The following KIAA1755 variants were observed in gnomAD, a reference collection of about 807,000 sequenced individuals.
KIAA1755 encodes KIAA1755.
KIAA1755 carries 68 observed loss-of-function variants against 91.7 expected under a neutral mutation model. The observed-to-expected ratio is 0.74, with a 90% CI of 0.61 to 0.91. The LOEUF (loss-of-function observed/expected upper bound fraction) is 0.91. Among genes scored for constraint, KIAA1755 ranks in the 40% least tolerant of loss-of-function variants. The pLI is 0.00. For missense variants in KIAA1755, 1,535 were observed against 1,494.4 expected (o/e 1.03, Z -0.45); for synonymous variants, 610 against 604.6 (o/e 1.01, Z -0.13).
At chr20:38,228,984 A>G (rs2075811168) in intron 5 of KIAA1755, among the ~76,000 whole-genome samples, 1 of 152,222 alleles carries the variant, frequency 6.6e-6, no homozygotes, top group Admixed American at 6.5e-5. Flanking sequence ...GTTAAAATAC[A>G]GATTCCTCAC....
rs757825333 is a variant in KIAA1755 at position 38,241,089 on chromosome 20, AG to A, written c.1041del (p.Tyr348IlefsTer27). 2 of 1,614,142 alleles carry A rather than the reference AG, an allele frequency of 1.2e-6. No individual in the cohort carries two copies. The highest frequency in any genetic ancestry group is 2.2e-5 in the South Asian group (2 of 91,082). ...ACCTTTCTCCTGAAGCCCAAATTAT[AG>A]GGCCTCTCCTCAGAGCTTTCTGGCT... The part of the protein sequence containing the change: ...CTKPESSEER[P>X]YNLGFRRKVN... On this transcript the variant is annotated frameshift_variant, in exon 3 of 14. Transcript: ENST00000279024. LOFTEE classifies it high-confidence loss of function.
At chr20:38,228,111 G>T in intron 6 of KIAA1755, 36 bp downstream of exon 6, 2 of 1,522,512 alleles carry the variant, frequency 1.3e-6, no homozygotes, top group South Asian at 2.5e-5. Context: ...TGGCTCCCAG[G>T]ACTTACTAGG....
chr20:38,232,741 G>A (rs1452214573), intron 4 of KIAA1755, among the ~76,000 whole-genome samples: 4 of 151,792 alleles, frequency 2.6e-5, no homozygotes, highest in African/African-American at 4.8e-5. Flanking sequence ...TACAAATTTC[G>A]AAAGTAAAGA....
At chr20:38,235,586 A>T (rs2075946658) in intron 4 of KIAA1755, among the ~76,000 whole-genome samples, 2 of 152,200 alleles carry the variant, frequency 1.3e-5, no homozygotes, top group Non-Finnish European at 2.9e-5. Flanking sequence ...GCCACAAGCC[A>T]AGGAAAGTAG....
At position 38,225,006 on chromosome 20, in the gene KIAA1755, C is replaced by A. The variant is rs138861375; in HGVS notation, c.2169+659G>T. 6.7e-3 allele frequency among the ~76,000 whole-genome samples: 1,023 copies of A among 152,098 alleles called. 1 individual carries two copies. The highest frequency in any genetic ancestry group is 0.01 in the Non-Finnish European group (707 of 67,986). On this transcript the variant is annotated intron_variant, in intron 8 of 13. Coordinates refer to ENST00000279024, the MANE Select transcript of KIAA1755 (RefSeq NM_001029864.2). ...ATTTATTTTATTTTATTTTAAGATT[C>A]TTTTTGAGACAGAGTCTCACTGTGC...
chr20:38,213,033 G>T lies in KIAA1755; in HGVS notation c.*9C>A. On this transcript the variant is annotated 3_prime_UTR_variant, in exon 14 of 14. Transcript: ENST00000279024. ...CCTGGAGGCTGGTGCGACTGAAGGG[G>T]CCTCTCAGCTAGAGGGAGGCAAGGG... The T allele has an allele frequency of 6.6e-7, 1 of 1,525,772 alleles. No individual in the cohort carries two copies. The highest frequency in any genetic ancestry group is 8.8e-7 in the Non-Finnish European group (1 of 1,135,924). The allele number at this position is 1,525,772 out of a possible 1,614,324, so 94.5% of individuals were successfully genotyped here.
chr20:38,226,403 C>A (rs1352962160), intron 7 of KIAA1755, among the ~76,000 whole-genome samples: 2 of 152,156 alleles, frequency 1.3e-5, no homozygotes, highest in Admixed American at 1.3e-4. Flanking sequence ...GGGCCAGCAT[C>A]GCCGGCATCA....
At chr20:38,216,278 C>T (rs2075542208) in intron 13 of KIAA1755, among the ~76,000 whole-genome samples, 1 of 152,228 alleles carries the variant, frequency 6.6e-6, no homozygotes, top group Non-Finnish European at 1.5e-5. Context: ...TGGGGGAGCC[C>T]TTTGCTGCCA....
chr20:38,214,033 G>C (rs1170894921), intron 13 of KIAA1755, among the ~76,000 whole-genome samples: 1 of 148,910 alleles, frequency 6.7e-6, no homozygotes, highest in African/African-American at 2.5e-5. Flanking sequence ...CTCACTGCAA[G>C]CTCTGCTTCC....
Position 38,213,310 on chromosome 20 carries a change from G to A in KIAA1755, c.3335C>T (p.Pro1112Leu), listed in dbSNP as rs1340839122. The A allele has an allele frequency of 6.2e-7, 1 of 1,613,538 alleles. No individual in the cohort carries two copies. The highest frequency in any genetic ancestry group is 2.2e-5 in the East Asian group (1 of 44,874). The change falls in exon 14 of 14, where the codon CCC becomes CTC. Residue 1112 changes from proline to leucine, a missense_variant. Physicochemically the swap from Pro to Leu is moderately conservative, Grantham distance 98 (BLOSUM62 -3). Coordinates refer to ENST00000279024, the MANE Select transcript of KIAA1755 (RefSeq NM_001029864.2). ...AGTTCTGTTCTGTTCCCCTCTGGGG[G>A]GCCCAGGAGGCCAATAGGACTTTGG... ...HLPKSYWPPGPPRGEQNRTFQ... is the reference protein window; with the variant it reads ...HLPKSYWPPGLPRGEQNRTFQ...
At chr20:38,252,763 C>A (rs1305212020) in intron 1 of KIAA1755, among the ~76,000 whole-genome samples, 3 of 152,182 alleles carry the variant, frequency 2.0e-5, no homozygotes, top group Non-Finnish European at 4.4e-5. Flanking sequence ...TAAGGGGCAG[C>A]CAGTAAAAAG....
chr20:38,213,793 C>A, intron 13 of KIAA1755, 50 bp from the exon 14 acceptor site: 1 of 1,310,266 alleles, frequency 7.6e-7, no homozygotes, highest in Non-Finnish European at 1.0e-6. Context: ...GAAGTGGGAC[C>A]ATGGAGGACT....
In KIAA1755 at chr20:38,231,430, GA is replaced by G; in HGVS notation, c.1748-106del. 6 of 1,270,944 alleles carry G rather than the reference GA, an allele frequency of 4.7e-6. No homozygotes were observed. The East Asian group carries it at 1.5e-4, about 32-fold the overall frequency. 78.7% of individuals were successfully genotyped at this position (1,270,944 alleles called of 1,614,324 possible). On this transcript the variant is annotated intron_variant, in intron 4 of 13. Transcript: ENST00000279024. ...TTGGCCGTAACGGTTCCTTTGCCTG[GA>G]ACACCCTTTCTCTCCTTCTCCTTCT...
At chr20:38,222,896 G>T in intron 9 of KIAA1755, 1 of 482,198 alleles carries the variant, frequency 2.1e-6, no homozygotes, top group Non-Finnish European at 3.8e-6. Flanking sequence ...CAGTTGAACG[G>T]ATCTCAAAGT....
Position 38,223,144 on chromosome 20 carries a change from C to A in KIAA1755, c.2268+394G>T, listed in dbSNP as rs537117181. On this transcript the variant is annotated intron_variant, in intron 9 of 13. Coordinates refer to ENST00000279024, the MANE Select transcript of KIAA1755 (RefSeq NM_001029864.2). ...GCCCCCTGCCTGGAGCACAGCCCCC[C>A]ACAAAGGCAGGCTCCTTCTCAAACT... 20 of 198,800 alleles carry A rather than the reference C, an allele frequency of 1.0e-4. No homozygotes were observed. In the East Asian group the frequency reaches 1.4e-3, roughly 14 times the overall value. The allele number at this position is 198,800 out of a possible 1,614,324, so 12.3% of individuals were successfully genotyped here.
intron 1 of KIAA1755, among the ~76,000 whole-genome samples, chr20:38,251,990 G>C (rs945379815): frequency 6.6e-6 from 1 of 152,146 alleles, no homozygotes; most frequent in Non-Finnish European, 1.5e-5. Context: ...AGACAAAAGA[G>C]CTCCATACTC....
At chr20:38,231,113 G>T in intron 5 of KIAA1755, 89 bp downstream of exon 5, 2 of 1,356,558 alleles carry the variant, frequency 1.5e-6, no homozygotes, top group South Asian at 1.4e-5. Context: ...GGAAGGATAT[G>T]GTGCCTCTCC....
At chr20:38,239,418 A>G in intron 4 of KIAA1755, 110 bp downstream of exon 4, 5 of 939,142 alleles carry the variant, frequency 5.3e-6, no homozygotes, top group Non-Finnish European at 8.3e-6. Context: ...CTTGGTCTAG[A>G]ACCTAGGCCT....
intron 3 of KIAA1755, among the ~76,000 whole-genome samples, chr20:38,240,082 C>T (rs577618887): frequency 5.3e-5 from 8 of 151,892 alleles, no homozygotes; most frequent in Non-Finnish European, 1.0e-4. Context: ...TTCCTTCCTT[C>T]TTTCCTTCCT....
Sources: allele counts gnomAD v4.1 joint callset (sites outside exome capture counted in the v4.1 genomes callset), GRCh38; gene constraint gnomAD v4.1.1; transcripts MANE v1.5; gene names NCBI Gene and HGNC (gene_info 2026-07-23, HGNC 2026-07-21).